Variants in ERC1 observed in about 807,000 individuals in gnomAD.
The protein encoded by ERC1 is RAB6 interacting protein 2.
Under a neutral mutation model 132.0 loss-of-function variants are expected in ERC1, and 56 were observed. That is an observed-to-expected ratio of 0.42 (90% CI 0.34 to 0.53). The LOEUF is 0.53. ERC1 is among the 20% of genes least tolerant of loss of function. The probability of loss-of-function intolerance (pLI) is 0.03; values close to 1 mark genes in which losing one functional copy is unlikely to be tolerated. For missense variants in ERC1, 1,202 were observed against 1,349.9 expected (o/e 0.89, Z 1.72); for synonymous variants, 478 against 476.1 (o/e 1.00, Z -0.05).
chr12:1,024,969 A>G lies in ERC1; in HGVS notation c.-156-2779A>G, dbSNP rs151030807. Among the ~76,000 whole-genome samples, 188 of 152,316 alleles carry G rather than the reference A, an allele frequency of 1.2e-3. 3 individuals carry two copies. The East Asian group carries it at 0.03, about 24-fold the overall frequency. On this transcript the variant is annotated intron_variant, in intron 1 of 18. Transcript: ENST00000360905. ...TACATTTTATTAAGTATTATAAGTA[A>G]TTTAGAGATGATTTAAAGTATGCTG...
At chr12:1,099,394 G>A (rs974039362) in intron 3 of ERC1, among the ~76,000 whole-genome samples, 1 of 152,032 alleles carries the variant, frequency 6.6e-6, no homozygotes, top group Non-Finnish European at 1.5e-5. Flanking sequence ...AAACATACCT[G>A]TGAGATCATC....
chr12:1,276,618 A>G (rs1309186799), intron 14 of ERC1, among the ~76,000 whole-genome samples: 1 of 151,270 alleles, frequency 6.6e-6, no homozygotes, highest in East Asian at 1.9e-4. Context: ...CGTATTTACT[A>G]CCTATTGCTT....
At chr12:1,332,568 G>A (rs1280424855) in intron 15 of ERC1, among the ~76,000 whole-genome samples, 2 of 152,218 alleles carry the variant, frequency 1.3e-5, no homozygotes, top group African/African-American at 4.8e-5. Context: ...GGGTGATACA[G>A]CTGACTAGCA....
At chr12:1,201,527 G>A (rs1467381488) in intron 12 of ERC1, among the ~76,000 whole-genome samples, 1 of 152,166 alleles carries the variant, frequency 6.6e-6, no homozygotes, top group Non-Finnish European at 1.5e-5. Context: ...TATATGCTGA[G>A]TTTGTTTATT....
intron 15 of ERC1, among the ~76,000 whole-genome samples, chr12:1,323,605 A>AT (rs1304577779): frequency 2.0e-5 from 3 of 152,204 alleles, no homozygotes; most frequent in African/African-American, 7.2e-5. Context: ...ACTAGAATAC[A>AT]TTCACTTACA....
intron 15 of ERC1, among the ~76,000 whole-genome samples, chr12:1,352,233 C>T (rs2085070135): frequency 6.6e-6 from 1 of 152,172 alleles, no homozygotes; most frequent in Non-Finnish European, 1.5e-5. Context: ...GAGTACCCAT[C>T]CTAGTTTTCT....
chr12:998,853 CTTTTTTTTTTTTTTT>C (rs527367596), intron 1 of ERC1, among the ~76,000 whole-genome samples: 1 of 102,466 alleles, frequency 9.8e-6, no homozygotes, highest in South Asian at 3.0e-4. Flanking sequence ...TTCTCTGTCA[CTTTTTTTTTTTTTTT>C]TTTTTTTTTG....
At chr12:1,235,363 G>C (rs2075343493) in intron 12 of ERC1, among the ~76,000 whole-genome samples, 1 of 152,068 alleles carries the variant, frequency 6.6e-6, no homozygotes, top group Admixed American at 6.5e-5. Context: ...CATCTCGGAA[G>C]AAAAATAAAA....
At chr12:1,095,063 C>A (rs545777417) in intron 3 of ERC1, among the ~76,000 whole-genome samples, 42 of 152,226 alleles carry the variant, frequency 2.8e-4, no homozygotes, top group Non-Finnish European at 4.7e-4. Flanking sequence ...GTCACACATA[C>A]TTCTTTCTCT....
At chr12:1,484,307 A>C (rs1726022152) in intron 18 of ERC1, among the ~76,000 whole-genome samples, 1 of 151,022 alleles carries the variant, frequency 6.6e-6, no homozygotes, top group Non-Finnish European at 1.5e-5. Context: ...CCGTCTCAAA[A>C]AAAAAAAAAA....
At chr12:1,393,401 G>C (rs1293610856) in intron 16 of ERC1, among the ~76,000 whole-genome samples, 1 of 152,170 alleles carries the variant, frequency 6.6e-6, no homozygotes, top group Non-Finnish European at 1.5e-5. Context: ...TGGGCGTGGT[G>C]GTGCACATCT....
At chr12:1,426,503 GGTTA>G (rs1394105761) in intron 17 of ERC1, among the ~76,000 whole-genome samples, 1 of 152,066 alleles carries the variant, frequency 6.6e-6, no homozygotes, top group Non-Finnish European at 1.5e-5. Context: ...GGATTTTTAG[GGTTA>G]GTCTCTTTTG....
intron 2 of ERC1, among the ~76,000 whole-genome samples, chr12:1,064,265 A>T (rs1414191748): frequency 1.3e-5 from 2 of 150,170 alleles, no homozygotes; most frequent in Admixed American, 6.7e-5. Context: ...CCCAGGCTGG[A>T]TTGCAGTGGC....
At chr12:1,165,282 A>G (rs189695798) in intron 8 of ERC1, among the ~76,000 whole-genome samples, 1 of 152,172 alleles carries the variant, frequency 6.6e-6, no homozygotes, top group African/African-American at 2.4e-5. Context: ...AGAGGTGTGT[A>G]TAGATGATAC....
At chr12:1,177,943 C>A (rs1337317014) in intron 8 of ERC1, among the ~76,000 whole-genome samples, 1 of 151,818 alleles carries the variant, frequency 6.6e-6, no homozygotes, top group African/African-American at 2.4e-5. Flanking sequence ...AGTGTTGATC[C>A]GTATGAGATT....
rs375777255 is a variant in ERC1, at chr12:1,065,229, G to C, written c.670-17935G>C. ...ATGGCCAGGCTGGTCTCAAACTCCT[G>C]ACCTCAGGTAATCTGCTCACCTCGG... On this transcript the variant is annotated intron_variant, in intron 2 of 18. Coordinates refer to ENST00000360905, the MANE Select transcript of ERC1 (RefSeq NM_178040.4). Among the ~76,000 whole-genome samples the C allele has an allele frequency of 7.9e-5, 12 of 152,070 alleles. No individual in the cohort carries two copies. The South Asian group carries it at 1.0e-3, about 13-fold the overall frequency.
intron 15 of ERC1, among the ~76,000 whole-genome samples, chr12:1,346,769 C>T (rs570607273): frequency 6.3e-4 from 95 of 151,076 alleles, no homozygotes; most frequent in African/African-American, 2.1e-3. Context: ...GGTGAAACCC[C>T]GTCTCTACTA....
chr12:1,243,882 T>C lies in ERC1; in HGVS notation c.2487+6978T>C, dbSNP rs1292157001. On this transcript the variant is annotated intron_variant, in intron 13 of 18. Transcript: ENST00000360905. ...TCCGAAGTGTTACTGTGGATGAAGTTTTCATGAATAGCTTTGGAAACCTAA... is the reference window on the plus strand; with the variant it reads ...TCCGAAGTGTTACTGTGGATGAAGTCTTCATGAATAGCTTTGGAAACCTAA... Among the ~76,000 whole-genome samples the C allele has an allele frequency of 2.6e-5, 4 of 152,332 alleles. No homozygotes were observed. In the East Asian group the frequency reaches 7.7e-4, roughly 29 times the overall value.
At chr12:1,426,351 C>T (rs993646086) in intron 17 of ERC1, among the ~76,000 whole-genome samples, 13 of 152,092 alleles carry the variant, frequency 8.5e-5, no homozygotes, top group South Asian at 4.1e-4. Flanking sequence ...GTGATCCACC[C>T]GCCTCAACCT....
Sources: allele counts gnomAD v4.1 joint callset (sites outside exome capture counted in the v4.1 genomes callset), GRCh38; gene constraint gnomAD v4.1.1; transcripts MANE v1.5; gene names NCBI Gene and HGNC (gene_info 2026-07-23, HGNC 2026-07-21).